The following DST variants were observed in gnomAD, a reference collection of about 807,000 sequenced individuals.
DST encodes the protein bullous pemphigoid antigen.
In DST, 253 loss-of-function variants were observed where a neutral mutation model predicts 875.2. That is an observed-to-expected ratio of 0.29 (90% CI 0.26 to 0.32). DST has a LOEUF of 0.32. Among genes scored for constraint, DST ranks in the 10% least tolerant of loss-of-function variants. DST has a pLI of 1.00. For missense variants in DST, 8,287 were observed against 9,111.6 expected (o/e 0.91, Z 3.68); for synonymous variants, 3,124 against 3,197.1 (o/e 0.98, Z 0.77).
intron 3 of DST, among the ~76,000 whole-genome samples, chr6:56,879,675 G>C (rs975983316): frequency 6.6e-6 from 1 of 152,154 alleles, no homozygotes; most frequent in Non-Finnish European, 1.5e-5. Flanking sequence ...AGTATACCAT[G>C]ATTAAATTTT....
At chr6:56,874,989 TTTTG>T (rs963809045) in intron 3 of DST, among the ~76,000 whole-genome samples, 4 of 152,136 alleles carry the variant, frequency 2.6e-5, no homozygotes, top group Middle Eastern at 3.2e-3. Flanking sequence ...TTTTTTGTTT[TTTTG>T]TTTGTTTTGA....
chr6:56,513,833 C>A (rs2096534312), intron 72 of DST, among the ~76,000 whole-genome samples: 1 of 152,170 alleles, frequency 6.6e-6, no homozygotes, highest in Non-Finnish European at 1.5e-5. Context: ...GGAGTCCAGT[C>A]ATGCTGGAGC....
chr6:56,633,626 G>A (rs369111278), intron 27 of DST, among the ~76,000 whole-genome samples: 3 of 151,764 alleles, frequency 2.0e-5, no homozygotes, highest in African/African-American at 7.3e-5. Context: ...TCAGCCTCCC[G>A]AGTAGCTAAG....
intron 86 of DST, among the ~76,000 whole-genome samples, chr6:56,488,669 T>C (rs2152434064): frequency 6.6e-6 from 1 of 152,272 alleles, no homozygotes; most frequent in East Asian, 1.9e-4. Flanking sequence ...TCACCCCAAT[T>C]TTTCCAGCCT....
chr6:56,504,032 G>T lies in DST; in HGVS notation c.19531C>A (p.Leu6511Ile). ...LASMSPIGTD[L>I]ETVKQQIEEL... ...TCAATCTGCTGCTTGACAGTTTCGAGATCTGTTCCAATTGGAGACATTGAA... is the reference window on the plus strand; with the variant it reads ...TCAATCTGCTGCTTGACAGTTTCGATATCTGTTCCAATTGGAGACATTGAA... Residue 6511 changes from leucine to isoleucine, a missense_variant, in exon 78 of 104, where the codon CTC (leucine) becomes ATC (isoleucine). Leu to Ile is a conservative substitution (Grantham distance 5). This residue lies in a region of DST where 1,292 missense variants were observed against 1,552.7 expected (regional missense o/e 0.83). Transcript: ENST00000680361. 6.2e-7 allele frequency: 1 copy of T among 1,609,028 alleles called. No individual in the cohort carries two copies. The highest frequency in any genetic ancestry group is 8.5e-7 in the Non-Finnish European group (1 of 1,177,846).
chr6:56,606,623 T>A lies in DST; in HGVS notation c.8005A>T (p.Met2669Leu), dbSNP rs752297404. Residue 2669 changes from methionine to leucine, a missense_variant, in exon 40 of 104, where the codon ATG becomes TTG. This residue lies in a region of DST where 3,138 missense variants were observed against 3,116.6 expected (regional missense o/e 1.01). Coordinates refer to ENST00000680361, the MANE Select transcript of DST (RefSeq NM_001374736.1). ...CCAACTGGTGCCCCCTGGGGAACCA[T>A]GGAATTTTCATTCTCTTTTGAGACA... ...YDVSKENENS[M>L]VPQGAPVGSL... 1.4e-5 allele frequency: 22 copies of A among 1,613,448 alleles called. No individual in the cohort carries two copies. The South Asian group carries it at 2.2e-4, about 16-fold the overall frequency.
intron 3 of DST, among the ~76,000 whole-genome samples, chr6:56,865,301 A>ATGTG (rs576756554): frequency 7.4e-6 from 1 of 136,048 alleles, no homozygotes; most frequent in Non-Finnish European, 1.6e-5. Context: ...GTGTGTCTGT[A>ATGTG]TGTGTGTGTG....
At chr6:56,705,909 C>T (rs927835643) in intron 5 of DST, among the ~76,000 whole-genome samples, 1 of 152,182 alleles carries the variant, frequency 6.6e-6, no homozygotes, top group African/African-American at 2.4e-5. Flanking sequence ...CAAGGAATAT[C>T]AGTTGAATCT....
chr6:56,840,044 A>G (rs1039090804), intron 4 of DST, among the ~76,000 whole-genome samples: 3 of 152,240 alleles, frequency 2.0e-5, no homozygotes, highest in Non-Finnish European at 4.4e-5. Context: ...TTTTGGTGGA[A>G]CAAAATAATG....
chr6:56,787,412 G>C (rs2099707373), intron 4 of DST, among the ~76,000 whole-genome samples: 1 of 152,192 alleles, frequency 6.6e-6, no homozygotes, highest in Non-Finnish European at 1.5e-5. Flanking sequence ...TGGAAGTACA[G>C]GATTGAGTCC....
chr6:56,603,061 C>G, intron 42 of DST, 30 bp from the exon 43 acceptor site: 1 of 1,551,214 alleles, frequency 6.4e-7, no homozygotes, highest in Non-Finnish European at 8.7e-7. Flanking sequence ...ATTCAGTTAT[C>G]TTTCCCCAAA....
Position 56,608,799 on chromosome 6 carries a change from G to A in DST, c.5829C>T (p.Asn1943=), listed in dbSNP as rs1275527938. The A allele has an allele frequency of 1.9e-6, 3 of 1,610,432 alleles. No individual in the cohort carries two copies. The highest frequency in any genetic ancestry group is 2.7e-5 in the African/African-American group (2 of 74,878). Residue 1943 remains asparagine, a synonymous_variant, in exon 40 of 104, where the codon AAC becomes AAT. Coordinates refer to ENST00000680361, the MANE Select transcript of DST (RefSeq NM_001374736.1). The stretch of plus-strand genomic sequence containing the variant: ...TCACAGGTAGAAGCCACATCCCTGT[G>A]TTTTCCTGTAAAGTACTTCTTTGTA... ...DMVQRSTLQE[N]TGMWLLPVRP...
At chr6:56,655,850 A>G (rs1417322198) in intron 10 of DST, among the ~76,000 whole-genome samples, 2 of 152,136 alleles carry the variant, frequency 1.3e-5, no homozygotes, top group African/African-American at 4.8e-5. Flanking sequence ...TGTTATCTTC[A>G]TTTCTGTATT....
At chr6:56,696,682 T>C (rs2099265956) in intron 9 of DST, among the ~76,000 whole-genome samples, 1 of 152,218 alleles carries the variant, frequency 6.6e-6, no homozygotes, top group Non-Finnish European at 1.5e-5. Context: ...ATGTCTTCTT[T>C]CTAGAACAAA....
chr6:56,793,068 CAAAAAAAAAAAAAAAA>C (rs61457774), intron 4 of DST, among the ~76,000 whole-genome samples: 8 of 42,346 alleles, frequency 1.9e-4, no homozygotes, highest in African/African-American at 3.1e-4. Flanking sequence ...GACCCTGTCT[CAAAAAAAAAAAAAAAA>C]AAAAAAAAAA....
chr6:56,595,034 C>T (rs1389128023), intron 47 of DST, among the ~76,000 whole-genome samples: 1 of 152,184 alleles, frequency 6.6e-6, no homozygotes, highest in East Asian at 1.9e-4. Context: ...CCCTTTCCCT[C>T]CAGCCATAAG....
intron 74 of DST, among the ~76,000 whole-genome samples, chr6:56,509,226 G>A (rs546822489): frequency 8.5e-5 from 13 of 152,094 alleles, no homozygotes; most frequent in Non-Finnish European, 1.3e-4. Context: ...CCCTCAGCTC[G>A]TATCTCAAAG....
chr6:56,652,926 C>A (rs769699784), intron 10 of DST, among the ~76,000 whole-genome samples: 1 of 152,170 alleles, frequency 6.6e-6, no homozygotes, highest in South Asian at 2.1e-4. Flanking sequence ...AATCTGCCAA[C>A]CTCAAGATTA....
At position 56,572,791 on chromosome 6, in the gene DST, C is replaced by G; in HGVS notation, c.13510G>C (p.Asp4504His). 6.2e-7 allele frequency: 1 copy of G among 1,607,802 alleles called. No individual in the cohort carries two copies. Among genetic ancestry groups the G allele is most frequent in the Non-Finnish European group, 8.5e-7 (1 of 1,177,664 alleles). The change falls in exon 52 of 104, where the codon GAT becomes CAT. Residue 4504 changes from aspartate (D) to histidine (H), a missense_variant. Physicochemically the swap from Asp to His is moderately conservative, Grantham distance 81. Transcript: ENST00000680361. ...TCAGTAACATCTTTTCCTGGCACAT[C>G]TACTTCAGTAAGAGCCTGAGTTTTT... Reference protein sequence around the residue: ...ETKTQALTEVDVPGKDVTELS... With the variant: ...ETKTQALTEVHVPGKDVTELS...
Sources: allele counts gnomAD v4.1 joint callset (sites outside exome capture counted in the v4.1 genomes callset), GRCh38; gene constraint gnomAD v4.1.1; regional missense constraint gnomAD v4.1.1; transcripts MANE v1.5; gene names NCBI Gene and HGNC (gene_info 2026-07-23, HGNC 2026-07-21).